Variants in VMP1 observed in about 807,000 individuals in gnomAD.
The protein encoded by VMP1 is ectopic P-granules autophagy protein 3 homolog.
A neutral mutation model predicts 56.0 loss-of-function variants in VMP1; 11 were observed. The observed-to-expected ratio is 0.20, with a 90% confidence interval of 0.12 to 0.32. The LOEUF is 0.32. Ranked by LOEUF, VMP1 falls within the 10% of genes least tolerant of loss-of-function variation. The pLI, the probability that VMP1 is intolerant of heterozygous loss-of-function variation, is 1.00. For missense variants in VMP1, 296 were observed against 490.3 expected (o/e 0.60, Z 3.74); for synonymous variants, 149 against 165.0 (o/e 0.90, Z 0.74).
chr17:59,792,287 A>G (rs2037259709), intron 7 of VMP1, among the ~76,000 whole-genome samples: 1 of 152,124 alleles, frequency 6.6e-6, no homozygotes, highest in Admixed American at 6.6e-5. Context: ...AAATCAAAAA[A>G]AGATTGGTTC....
chr17:59,835,062 A>ATT (rs1300771649), intron 10 of VMP1, among the ~76,000 whole-genome samples: 1 of 151,456 alleles, frequency 6.6e-6, no homozygotes, highest in Non-Finnish European at 1.5e-5. Flanking sequence ...GGCTGGCCTA[A>ATT]TTTTTGTCTT....
In VMP1 at chr17:59,805,324, G is replaced by A. The variant is rs1265162692; in HGVS notation, c.715-3472G>A. 2.6e-5 allele frequency among the ~76,000 whole-genome samples: 4 copies of A among 152,276 alleles called. No individual in the cohort carries two copies. In the East Asian group the frequency reaches 7.7e-4, roughly 29 times the overall value. On this transcript the variant is annotated intron_variant, in intron 7 of 11. Coordinates refer to ENST00000262291, the MANE Select transcript of VMP1 (RefSeq NM_030938.5). ...CTAAAAGGGAAAAATGGCTCCTTACGTGTTATTCCTCTTTGTTAGTAATGA... is the reference window on the plus strand; with the variant it reads ...CTAAAAGGGAAAAATGGCTCCTTACATGTTATTCCTCTTTGTTAGTAATGA...
chr17:59,757,471 A>G (rs1019254945), intron 5 of VMP1, among the ~76,000 whole-genome samples: 2 of 152,164 alleles, frequency 1.3e-5, no homozygotes, highest in Non-Finnish European at 2.9e-5. Flanking sequence ...AAACTCATGA[A>G]AGAATGTAAA....
chr17:59,798,546 A>G (rs2102507), intron 7 of VMP1, among the ~76,000 whole-genome samples: 38,258 of 152,126 alleles, frequency 0.25, 5,190 homozygotes, highest in East Asian at 0.44. Flanking sequence ...AATAGTATTT[A>G]CTTCCATTGC....
intron 6 of VMP1, among the ~76,000 whole-genome samples, chr17:59,768,392 C>T (rs900139358): frequency 1.3e-4 from 20 of 149,708 alleles, no homozygotes; most frequent in African/African-American, 4.7e-4. Flanking sequence ...CACCTGAGGT[C>T]AGGAGTTCGA....
At chr17:59,815,138 A>G (rs1285612086) in intron 9 of VMP1, among the ~76,000 whole-genome samples, 1 of 152,110 alleles carries the variant, frequency 6.6e-6, no homozygotes, top group African/African-American at 2.4e-5. Flanking sequence ...ACCTTCCCCT[A>G]AAAGATTCAA....
At chr17:59,835,560 G>A (rs1343539370) in intron 10 of VMP1, among the ~76,000 whole-genome samples, 31 of 148,906 alleles carry the variant, frequency 2.1e-4, no homozygotes, top group African/African-American at 5.9e-4. Context: ...GCATGATCTC[G>A]GCTCACTGCA....
At chr17:59,738,177 A>G (rs1034384694) in intron 4 of VMP1, among the ~76,000 whole-genome samples, 2 of 152,328 alleles carry the variant, frequency 1.3e-5, no homozygotes, top group Admixed American at 6.5e-5. Context: ...GACCCATCCA[A>G]ATAGGTAGGC....
At chr17:59,732,711 G>A (rs1259473631) in intron 2 of VMP1, among the ~76,000 whole-genome samples, 1 of 152,094 alleles carries the variant, frequency 6.6e-6, no homozygotes, top group Non-Finnish European at 1.5e-5. Context: ...GAGCTTTTGT[G>A]TGCTATTTTT....
intron 5 of VMP1, among the ~76,000 whole-genome samples, chr17:59,755,310 A>G (rs563760426): frequency 6.6e-5 from 10 of 152,020 alleles, no homozygotes; most frequent in East Asian, 3.9e-4. Flanking sequence ...GAGTTTCACA[A>G]TGTTGGCCAG....
chr17:59,799,142 G>A (rs1490138871), intron 7 of VMP1, among the ~76,000 whole-genome samples: 1 of 152,066 alleles, frequency 6.6e-6, no homozygotes, highest in Non-Finnish European at 1.5e-5. Flanking sequence ...GTAGTTTTTA[G>A]TTATGCCTGC....
rs189093407 is a variant in VMP1, at chr17:59,709,403, C to G, written c.-27+1655C>G. The stretch of plus-strand genomic sequence containing the variant: ...GAAGACCTGGATTGAAGTCTGGGCT[C>G]CAACACTTGTTAAGTAATGGCTGAT... On this transcript the variant is annotated intron_variant, in intron 1 of 11. Coordinates refer to ENST00000262291, the MANE Select transcript of VMP1 (RefSeq NM_030938.5). Among the ~76,000 whole-genome samples, 97 of 152,170 alleles carry G rather than the reference C, an allele frequency of 6.4e-4. 1 individual carries two copies. Among genetic ancestry groups the G allele is most frequent in the Non-Finnish European group, 1.1e-3 (74 of 68,020 alleles).
chr17:59,814,223 C>T (rs541692397), intron 9 of VMP1, among the ~76,000 whole-genome samples: 5 of 152,168 alleles, frequency 3.3e-5, no homozygotes, highest in East Asian at 1.9e-4. Context: ...ATGATCTGCC[C>T]GCCTTGGCCT....
At chr17:59,759,961 T>A (rs149111610) in intron 5 of VMP1, among the ~76,000 whole-genome samples, 3 of 150,388 alleles carry the variant, frequency 2.0e-5, no homozygotes, top group African/African-American at 7.3e-5. Flanking sequence ...CTACTTCTTT[T>A]AAAATTTTTA....
rs866443675 is a variant in VMP1 at position 59,748,214 on chromosome 17, A to C, written c.414+9267A>C. Among the ~76,000 whole-genome samples the C allele has an allele frequency of 5.0e-3, 759 of 151,962 alleles. 10 individuals are homozygous for C. Among genetic ancestry groups the C allele is most frequent in the African/African-American group, 0.017 (721 of 41,364 alleles). ...CCGTCTCAAAAAAAAAAAAAAAAAA[A>C]AAACCTTTCCTTTCGTTTTGATACA... On this transcript the variant is annotated intron_variant, in intron 5 of 11. Transcript: ENST00000262291.
At chr17:59,830,425 A>G (rs1291311858) in intron 10 of VMP1, among the ~76,000 whole-genome samples, 3 of 152,124 alleles carry the variant, frequency 2.0e-5, no homozygotes, top group Non-Finnish European at 4.4e-5. Flanking sequence ...TTCATTTATA[A>G]GCTTTCAGGG....
At position 59,793,636 on chromosome 17, in the gene VMP1, A is replaced by T. The variant is rs1280256675; in HGVS notation, c.715-15160A>T. 1.9e-4 allele frequency among the ~76,000 whole-genome samples: 22 copies of T among 113,788 alleles called. 5 individuals are homozygous for T. The highest frequency in any genetic ancestry group is 2.9e-4 in the African/African-American group (11 of 38,272). 74.6% of individuals were successfully genotyped at this position (113,788 alleles called of 152,430 possible). A position where few individuals can be genotyped will look rare whatever the true frequency, so the allele number is the denominator to read the frequency against. On this transcript the variant is annotated intron_variant, in intron 7 of 11. Coordinates refer to ENST00000262291, the MANE Select transcript of VMP1 (RefSeq NM_030938.5). ...CATGTGTGTGTGTGTTTATTTATTTATTTTTTTTGAGATGGAGTCTTGCTC... is the reference window on the plus strand; with the variant it reads ...CATGTGTGTGTGTGTTTATTTATTTTTTTTTTTTGAGATGGAGTCTTGCTC...
At chr17:59,709,985 C>T (rs763109535) in intron 1 of VMP1, among the ~76,000 whole-genome samples, 2 of 152,062 alleles carry the variant, frequency 1.3e-5, no homozygotes, top group Non-Finnish European at 2.9e-5. Flanking sequence ...ATCACGAGGT[C>T]AGGCGATCGA....
At chr17:59,713,699 TTTTG>T (rs1444799803) in intron 1 of VMP1, among the ~76,000 whole-genome samples, 2 of 150,314 alleles carry the variant, frequency 1.3e-5, no homozygotes, top group East Asian at 3.9e-4. Flanking sequence ...TTTTTTTTTT[TTTTG>T]TTAAAAAAAA....
Sources: allele counts gnomAD v4.1 joint callset (sites outside exome capture counted in the v4.1 genomes callset), GRCh38; gene constraint gnomAD v4.1.1; transcripts MANE v1.5; gene names NCBI Gene and HGNC (gene_info 2026-07-23, HGNC 2026-07-21).